GRIK2: variants seen among roughly 807,000 people sequenced by gnomAD.
The protein encoded by GRIK2 is glutamate receptor ionotropic, kainate 2.
In GRIK2, 32 loss-of-function variants were observed where a neutral mutation model predicts 100.3. The ratio of observed to expected loss-of-function variants is 0.32; its 90% CI spans 0.24 to 0.43. The LOEUF (loss-of-function observed/expected upper bound fraction) is 0.43. GRIK2 is among the 20% of genes least tolerant of loss of function. The pLI, the probability that GRIK2 is intolerant of heterozygous loss-of-function variation, is 1.00. For synonymous variants in GRIK2, 417 were observed against 389.4 expected, an observed-to-expected ratio of 1.07 and a Z score of -0.83; for missense variants, 843 against 1,114.9, an observed-to-expected ratio of 0.76 and a Z score of 3.47.
chr6:102,009,357 T>A (rs1186975797), intron 14 of GRIK2, among the ~76,000 whole-genome samples: 3 of 152,104 alleles, frequency 2.0e-5, no homozygotes, highest in Non-Finnish European at 2.9e-5. Flanking sequence ...TTGTTTAAAT[T>A]TAAGAGATTA....
chr6:101,949,892 C>T (rs1234617757), intron 14 of GRIK2, among the ~76,000 whole-genome samples: 1 of 151,978 alleles, frequency 6.6e-6, no homozygotes, highest in Non-Finnish European at 1.5e-5. Context: ...ATTGCTGGGC[C>T]AAATGGTATT....
intron 14 of GRIK2, among the ~76,000 whole-genome samples, chr6:101,957,563 T>A (rs1239752277): frequency 6.6e-6 from 1 of 151,972 alleles, no homozygotes; most frequent in Admixed American, 6.6e-5. Flanking sequence ...TTTAGTTGTG[T>A]TTGCTTTTGA....
intron 16 of GRIK2, among the ~76,000 whole-genome samples, chr6:102,059,595 GTT>G (rs2114517854): frequency 6.6e-6 from 1 of 150,860 alleles, no homozygotes; most frequent in East Asian, 1.9e-4. Context: ...GAATTTTGTT[GTT>G]TTCTCTGATA....
At chr6:101,594,044 C>A (rs1348850898) in intron 2 of GRIK2, among the ~76,000 whole-genome samples, 1 of 151,728 alleles carries the variant, frequency 6.6e-6, no homozygotes, top group Admixed American at 6.6e-5. Flanking sequence ...AAAACATTAA[C>A]CTAAATTCAC....
At chr6:101,832,902 C>A (rs993151582) in intron 10 of GRIK2, among the ~76,000 whole-genome samples, 26 of 152,118 alleles carry the variant, frequency 1.7e-4, no homozygotes, top group African/African-American at 6.3e-4. Context: ...TTCATCTCAA[C>A]TTTCCGATGA....
At chr6:101,712,733 A>G (rs1773803077) in intron 7 of GRIK2, among the ~76,000 whole-genome samples, 1 of 151,934 alleles carries the variant, frequency 6.6e-6, no homozygotes, top group African/African-American at 2.4e-5. Flanking sequence ...TGCATCCAGT[A>G]TCATTATCTG....
chr6:101,416,791 G>A (rs1216244169), intron 2 of GRIK2, among the ~76,000 whole-genome samples: 1 of 152,150 alleles, frequency 6.6e-6, no homozygotes, highest in Non-Finnish European at 1.5e-5. Flanking sequence ...ATATAAAAAT[G>A]TGTGGCCATT....
chr6:101,784,389 T>C (rs955355057), intron 7 of GRIK2, among the ~76,000 whole-genome samples: 1 of 152,228 alleles, frequency 6.6e-6, no homozygotes, highest in Non-Finnish European at 1.5e-5. Flanking sequence ...AACATGCTTA[T>C]GATTTTACAG....
intron 7 of GRIK2, among the ~76,000 whole-genome samples, chr6:101,717,947 C>T (rs905064651): frequency 2.0e-5 from 3 of 151,504 alleles, no homozygotes; most frequent in African/African-American, 2.4e-5. Context: ...TTACACAATG[C>T]CATATTAAGT....
At chr6:101,724,940 C>T (rs1774754088) in intron 7 of GRIK2, among the ~76,000 whole-genome samples, 1 of 151,964 alleles carries the variant, frequency 6.6e-6, no homozygotes, top group Non-Finnish European at 1.5e-5. Context: ...CTCCTGTGAC[C>T]TGAACCTGCC....
intron 14 of GRIK2, among the ~76,000 whole-genome samples, chr6:102,004,113 A>G: frequency 6.6e-6 from 1 of 150,432 alleles, no homozygotes; most frequent in East Asian, 2.0e-4. Flanking sequence ...TTATATTTGC[A>G]TTTATATTTG....
At chr6:101,928,765 G>T (rs757499147) in intron 14 of GRIK2, 133 bp downstream of exon 14, 29 of 620,208 alleles carry the variant, frequency 4.7e-5, no homozygotes, top group South Asian at 2.9e-4. Flanking sequence ...TACCTCAAGG[G>T]GTGGAGAGGT....
At chr6:101,902,682 TTAAC>T (rs765393636) in intron 12 of GRIK2, among the ~76,000 whole-genome samples, 34 of 151,940 alleles carry the variant, frequency 2.2e-4, no homozygotes, top group Non-Finnish European at 4.1e-4. Flanking sequence ...TTACAAAAAT[TTAAC>T]TATTTACATG....
chr6:101,784,321 G>A (rs1265727521), intron 7 of GRIK2, among the ~76,000 whole-genome samples: 1 of 152,232 alleles, frequency 6.6e-6, no homozygotes, highest in Non-Finnish European at 1.5e-5. Context: ...TACAGCTCGG[G>A]CTGTTGCTGG....
At chr6:101,516,636 A>G (rs1169926587) in intron 2 of GRIK2, among the ~76,000 whole-genome samples, 2 of 152,106 alleles carry the variant, frequency 1.3e-5, no homozygotes, top group Admixed American at 6.6e-5. Context: ...ATGTTTTCTT[A>G]ATGGTACAGT....
intron 15 of GRIK2, among the ~76,000 whole-genome samples, chr6:102,037,662 C>A (rs1770343595): frequency 1.3e-5 from 2 of 151,220 alleles, no homozygotes; most frequent in African/African-American, 4.8e-5. Context: ...ATTGTGTTTT[C>A]ACAATTATAT....
intron 7 of GRIK2, among the ~76,000 whole-genome samples, chr6:101,788,821 C>T (rs993195243): frequency 3.6e-4 from 54 of 152,052 alleles, no homozygotes; most frequent in African/African-American, 1.1e-3. Flanking sequence ...GTTTACAGTC[C>T]CACCAACAGT....
chr6:101,920,897 G>A (rs1789451751), intron 12 of GRIK2, among the ~76,000 whole-genome samples: 1 of 151,880 alleles, frequency 6.6e-6, no homozygotes, highest in Admixed American at 6.6e-5. Flanking sequence ...TTAAAATAGA[G>A]ATGTGATATT....
At chr6:102,061,953 T>G (rs1188767802) in intron 16 of GRIK2, among the ~76,000 whole-genome samples, 1 of 150,310 alleles carries the variant, frequency 6.7e-6, no homozygotes, top group African/African-American at 2.4e-5. Context: ...AGCAAAAATG[T>G]GATGATTAGT....
Sources: gnomAD v4.1 joint callset for allele counts (sites outside exome capture counted in the v4.1 genomes callset) on GRCh38, gnomAD v4.1.1 for gene constraint, MANE v1.5 for transcripts, NCBI Gene and HGNC (gene_info 2026-07-23, HGNC 2026-07-21) for gene names.